Variants in BSPH1 observed in about 807,000 individuals in gnomAD.
BSPH1 encodes the protein binder of sperm 1.
A neutral mutation model predicts 22.5 loss-of-function variants in BSPH1; 21 were observed. That is an observed-to-expected ratio of 0.93 (90% CI 0.66 to 1.35). BSPH1 has a LOEUF of 1.35. Ranked by LOEUF, BSPH1 falls within the 40% of genes most tolerant of loss-of-function variation. The pLI is 0.00. For missense variants in BSPH1, 141 were observed against 154.2 expected (o/e 0.91, Z 0.45); for synonymous variants, 42 against 53.6 (o/e 0.78, Z 0.95).
intron 1 of BSPH1, 30 bp downstream of exon 1, chr19:47,991,979 G>A (rs1251185151): frequency 7.1e-6 from 10 of 1,405,942 alleles, no homozygotes; most frequent in Non-Finnish European, 8.9e-6. Context: ...TATCTACCTT[G>A]CATAGGAAGA....
downstream of BSPH1, among the ~76,000 whole-genome samples, chr19:47,967,708 C>CA (rs994991181): frequency 6.6e-6 from 1 of 152,188 alleles, no homozygotes; most frequent in Non-Finnish European, 1.5e-5. Context: ...ACCCTTTCTC[C>CA]AAAAACAGTT....
intron 1 of BSPH1, among the ~76,000 whole-genome samples, chr19:47,985,519 A>T (rs780645257): frequency 2.5e-4 from 38 of 152,202 alleles, no homozygotes; most frequent in Non-Finnish European, 5.0e-4. Context: ...TCAGAGATAT[A>T]AAGAGAGGAA....
chr19:47,981,259 A>AC (rs1413775939), intron 1 of BSPH1, among the ~76,000 whole-genome samples: 1 of 78,284 alleles, frequency 1.3e-5, no homozygotes, highest in Non-Finnish European at 2.7e-5. Flanking sequence ...GGTTTCTGAT[A>AC]TGAACACTAT....
chr19:47,975,351 T>C (rs1191906104), intron 5 of BSPH1, among the ~76,000 whole-genome samples: 3 of 151,784 alleles, frequency 2.0e-5, no homozygotes, highest in Non-Finnish European at 2.9e-5. Flanking sequence ...AATTGGATTG[T>C]ATCCAGATTC....
intron 3 of BSPH1, 105 bp from the exon 4 acceptor site, chr19:47,977,609 G>A (rs1267235566): frequency 6.8e-7 from 1 of 1,479,188 alleles, no homozygotes; most frequent in African/African-American, 1.4e-5. Flanking sequence ...AGAGTCATTG[G>A]CTGTGGCTGT....
chr19:47,971,878 ATC>A (rs1215825089), intron 5 of BSPH1, among the ~76,000 whole-genome samples: 1 of 152,224 alleles, frequency 6.6e-6, no homozygotes, highest in African/African-American at 2.4e-5. Flanking sequence ...TAACATTAAT[ATC>A]TGTTACCAAT....
intron 1 of BSPH1, among the ~76,000 whole-genome samples, chr19:47,985,843 A>AG (rs1364574046): frequency 6.6e-6 from 1 of 151,568 alleles, no homozygotes; most frequent in East Asian, 1.9e-4. Flanking sequence ...TAGAAAAAAA[A>AG]AAAAGGAAAA....
At position 47,992,130 on chromosome 19, in the gene BSPH1, G is replaced by A. The variant is rs1966876636; in HGVS notation, c.-49C>T. ...TCTCAGATCTTCCTGGTCTTTGTCAGCCAGGGCTCAAGAATCCCCTGGAGA... is the reference window on the plus strand; with the variant it reads ...TCTCAGATCTTCCTGGTCTTTGTCAACCAGGGCTCAAGAATCCCCTGGAGA... On this transcript the variant is annotated 5_prime_UTR_variant, in exon 1 of 6. Coordinates refer to ENST00000344839, the MANE Select transcript of BSPH1 (RefSeq NM_001128326.2). 1 of 1,472,036 alleles carries A rather than the reference G, an allele frequency of 6.8e-7. No homozygotes were observed. The highest frequency in any genetic ancestry group is 1.4e-5 in the African/African-American group (1 of 71,402). 91.2% of individuals were successfully genotyped at this position (1,472,036 alleles called of 1,614,324 possible).
intron 1 of BSPH1, among the ~76,000 whole-genome samples, chr19:47,987,473 C>A (rs910182840): frequency 2.0e-5 from 3 of 151,068 alleles, no homozygotes; most frequent in Non-Finnish European, 4.4e-5. Flanking sequence ...GCAGGCTTGA[C>A]TTCCCAGGCT....
intron 5 of BSPH1, among the ~76,000 whole-genome samples, chr19:47,972,668 T>C (rs775637810): frequency 6.6e-6 from 1 of 152,176 alleles, no homozygotes; most frequent in Non-Finnish European, 1.5e-5. Flanking sequence ...AATAGAAAAT[T>C]CTTCACAATG....
chr19:47,978,687 A>C (rs1165362182), intron 3 of BSPH1, among the ~76,000 whole-genome samples: 1 of 152,238 alleles, frequency 6.6e-6, no homozygotes, highest in Non-Finnish European at 1.5e-5. Context: ...AATTTTCATT[A>C]GCACGAAGCA....
rs999463574 is a variant in BSPH1 at position 47,977,754 on chromosome 19, C to T, written c.125-250G>A. On this transcript the variant is annotated intron_variant, in intron 3 of 5. Transcript: ENST00000344839. ...TCTCAAAATTTTGCTTAGCATTTGC[C>T]CCAGTTTCAGAAATCTCTCCTAAGC... 9 of 860,672 alleles carry T rather than the reference C, an allele frequency of 1.0e-5. No homozygotes were observed. In the African/African-American group the frequency reaches 1.3e-4, roughly 12 times the overall value. 53.3% of individuals were successfully genotyped at this position (860,672 alleles called of 1,614,324 possible). A position where few individuals can be genotyped will look rare whatever the true frequency, so the allele number is the denominator to read the frequency against.
At chr19:47,983,733 G>A (rs995341945) in intron 1 of BSPH1, among the ~76,000 whole-genome samples, 2 of 152,270 alleles carry the variant, frequency 1.3e-5, no homozygotes, top group East Asian at 3.9e-4. Context: ...ACTACAAAAT[G>A]AAGCCGGTCA....
chr19:47,984,728 T>A (rs1186966175), intron 1 of BSPH1, among the ~76,000 whole-genome samples: 1 of 151,976 alleles, frequency 6.6e-6, no homozygotes, highest in East Asian at 1.9e-4. Flanking sequence ...ATGGGAACAA[T>A]AGGCACTGGG....
chr19:47,985,998 G>C (rs1012419213), intron 1 of BSPH1, among the ~76,000 whole-genome samples: 1 of 152,218 alleles, frequency 6.6e-6, no homozygotes, highest in South Asian at 2.1e-4. Context: ...GCAGTTGCCC[G>C]CAGGAGGATA....
chr19:47,987,919 C>T (rs950101031), intron 1 of BSPH1, among the ~76,000 whole-genome samples: 3 of 151,956 alleles, frequency 2.0e-5, no homozygotes, highest in African/African-American at 7.3e-5. Flanking sequence ...TACTTCAGTC[C>T]CGGGAGGCGG....
chr19:47,971,418 C>A (rs1394048565), intron 5 of BSPH1, among the ~76,000 whole-genome samples: 1 of 152,196 alleles, frequency 6.6e-6, no homozygotes, highest in African/African-American at 2.4e-5. Context: ...GTTGGCCAGG[C>A]TGGTCTCGAA....
chr19:47,991,588 G>A (rs188486198), intron 1 of BSPH1, among the ~76,000 whole-genome samples: 3,388 of 40,378 alleles, frequency 0.084, 105 homozygotes, highest in East Asian at 0.19. Flanking sequence ...TTTCCCCTCT[G>A]TCTCCCCCTC....
At chr19:47,987,387 T>TTTA (rs1334181641) in intron 1 of BSPH1, among the ~76,000 whole-genome samples, 45 of 98,868 alleles carry the variant, frequency 4.6e-4, no homozygotes, top group African/African-American at 1.4e-3. Flanking sequence ...AGTACTTACT[T>TTTA]TTTTTTTTTT....
Sources: gnomAD v4.1 joint callset for allele counts (sites outside exome capture counted in the v4.1 genomes callset) on GRCh38, gnomAD v4.1.1 for gene constraint, MANE v1.5 for transcripts, NCBI Gene and HGNC (gene_info 2026-07-23, HGNC 2026-07-21) for gene names.